Variants in TMEM132C observed in about 807,000 individuals in gnomAD.
The protein encoded by TMEM132C is protein phosphatase 1, regulatory subunit 152.
TMEM132C carries 29 observed loss-of-function variants against 61.4 expected under a neutral mutation model. The observed-to-expected ratio is 0.47, with a 90% CI of 0.35 to 0.64. The LOEUF (loss-of-function observed/expected upper bound fraction) is 0.64. Ranked by LOEUF, TMEM132C falls within the 30% of genes least tolerant of loss-of-function variation. TMEM132C has a pLI of 0.00. For synonymous variants in TMEM132C, 656 were observed against 633.1 expected (o/e 1.04, Z -0.54); for missense variants, 1,408 against 1,476.9 (o/e 0.95, Z 0.76).
intron 2 of TMEM132C, among the ~76,000 whole-genome samples, chr12:128,440,719 T>C (rs1869753254): frequency 6.6e-6 from 1 of 152,148 alleles, no homozygotes; most frequent in Non-Finnish European, 1.5e-5. Flanking sequence ...AAGATGACAA[T>C]GGGGACCATT....
At chr12:128,457,426 A>C (rs1438016404) in intron 2 of TMEM132C, among the ~76,000 whole-genome samples, 1 of 151,940 alleles carries the variant, frequency 6.6e-6, no homozygotes, top group East Asian at 1.9e-4. Flanking sequence ...AATACAAAAA[A>C]TTAGCCAGGT....
chr12:128,341,015 A>T lies in TMEM132C; in HGVS notation c.85+73528A>T, dbSNP rs571278790. Among the ~76,000 whole-genome samples the T allele has an allele frequency of 2.0e-5, 3 of 148,610 alleles. No individual in the cohort carries two copies. In the South Asian group the frequency reaches 6.4e-4, roughly 31 times the overall value. Reference sequence around the variant, plus strand: ...ACCTAGTCTGGAGTAATCTCAACTCACTGCAGCCTCCGCCTCCCAGGTTCA... The same window carrying T: ...ACCTAGTCTGGAGTAATCTCAACTCTCTGCAGCCTCCGCCTCCCAGGTTCA... On this transcript the variant is annotated intron_variant, in intron 1 of 8. Transcript: ENST00000435159.
intron 2 of TMEM132C, among the ~76,000 whole-genome samples, chr12:128,439,876 G>A (rs1470435019): frequency 1.3e-5 from 2 of 152,172 alleles, no homozygotes; most frequent in Admixed American, 6.5e-5. Flanking sequence ...AGTGCTCCCA[G>A]CAGTCTGTGA....
At chr12:128,506,391 T>C (rs1593078036) in intron 2 of TMEM132C, among the ~76,000 whole-genome samples, 1 of 152,002 alleles carries the variant, frequency 6.6e-6, no homozygotes, top group African/African-American at 2.4e-5. Context: ...GATGTTTGGG[T>C]TTTCCTTGCA....
chr12:128,288,894 T>C (rs1342057903), intron 1 of TMEM132C: 1 of 152,386 alleles, frequency 6.6e-6, no homozygotes, highest in Non-Finnish European at 1.5e-5. Context: ...CAGCTCTTCT[T>C]GGCTTTTACT....
chr12:128,369,698 AGC>A (rs946750826), intron 1 of TMEM132C, among the ~76,000 whole-genome samples: 3 of 152,178 alleles, frequency 2.0e-5, no homozygotes, highest in African/African-American at 7.2e-5. Flanking sequence ...CTCAAGTTTC[AGC>A]CTTGGGATGG....
At chr12:128,434,866 C>T (rs1312054829) in intron 2 of TMEM132C, among the ~76,000 whole-genome samples, 1 of 151,682 alleles carries the variant, frequency 6.6e-6, no homozygotes, top group Admixed American at 6.6e-5. Flanking sequence ...AGGCAATCTG[C>T]CTGCCTCGAC....
At position 128,323,096 on chromosome 12, in the gene TMEM132C, G is replaced by C. The variant is rs577356245; in HGVS notation, c.85+55609G>C. ...ATTAAACAGACAAACAAGCAAACCA[G>C]CTAATATTCATCGTTGTGGGTGAAG... On this transcript the variant is annotated intron_variant, in intron 1 of 8. Transcript: ENST00000435159. 2.0e-4 allele frequency among the ~76,000 whole-genome samples: 31 copies of C among 152,304 alleles called. 1 individual carries two copies. The highest frequency in any genetic ancestry group is 6.3e-4 in the African/African-American group (26 of 41,568).
At position 128,573,245 on chromosome 12, in the gene TMEM132C, A is replaced by T. The variant is rs549777404; in HGVS notation, c.1121+29142A>T. On this transcript the variant is annotated intron_variant, in intron 3 of 8. Transcript: ENST00000435159. The stretch of plus-strand genomic sequence containing the variant: ...AGACTGGATTAAGAAAATGTGGCAC[A>T]TATACACCATGGAATACTATGCAGC... 2.2e-4 allele frequency among the ~76,000 whole-genome samples: 34 copies of T among 152,330 alleles called. No homozygotes were observed. In the East Asian group the frequency reaches 6.6e-3, roughly 29 times the overall value.
At chr12:128,632,733 C>A (rs1336143458) in intron 4 of TMEM132C, among the ~76,000 whole-genome samples, 1 of 152,194 alleles carries the variant, frequency 6.6e-6, no homozygotes, top group Non-Finnish European at 1.5e-5. Flanking sequence ...AGAACAGTCT[C>A]CTTAGCATGA....
chr12:128,528,043 C>T (rs1873151842), intron 2 of TMEM132C, among the ~76,000 whole-genome samples: 1 of 152,168 alleles, frequency 6.6e-6, no homozygotes, highest in Admixed American at 6.5e-5. Flanking sequence ...CTGGCTGATA[C>T]TGGCAATATT....
At chr12:128,410,739 TATATA>T (rs1457853048) in intron 1 of TMEM132C, among the ~76,000 whole-genome samples, 4 of 152,146 alleles carry the variant, frequency 2.6e-5, no homozygotes, top group African/African-American at 9.7e-5. Context: ...GATGTTCTCT[TATATA>T]AGTATAGTAC....
At chr12:128,469,563 C>T (rs1470344761) in intron 2 of TMEM132C, among the ~76,000 whole-genome samples, 2 of 151,982 alleles carry the variant, frequency 1.3e-5, no homozygotes, top group African/African-American at 4.8e-5. Flanking sequence ...GAGATACACC[C>T]AGCTTTACAG....
intron 2 of TMEM132C, among the ~76,000 whole-genome samples, chr12:128,424,834 GT>G (rs1454270809): frequency 1.3e-5 from 2 of 152,152 alleles, no homozygotes; most frequent in Non-Finnish European, 2.9e-5. Context: ...TCTACAGATG[GT>G]TTTTCCATTA....
rs1418301663 is a variant in TMEM132C, at chr12:128,705,491, T to C, written c.2523T>C (p.Tyr841=). ...GCACAGGCCAAGATGGGCACCTCTATGGCAGCTCTCCCGTGGAGCGTGAGG... is the reference window on the plus strand; with the variant it reads ...GCACAGGCCAAGATGGGCACCTCTACGGCAGCTCTCCCGTGGAGCGTGAGG... The part of the protein sequence containing the change: ...HERTGQDGHL[Y]GSSPVEREEG... Residue 841 remains tyrosine (Y), a synonymous_variant, in exon 9 of 9, where the codon TAT becomes TAC. Transcript: ENST00000435159. 1.3e-6 allele frequency: 2 copies of C among 1,551,024 alleles called. No individual in the cohort carries two copies. The highest frequency in any genetic ancestry group is 2.4e-5 in the East Asian group (1 of 40,918).
chr12:128,420,190 C>G (rs1868940491), intron 2 of TMEM132C, among the ~76,000 whole-genome samples: 1 of 151,980 alleles, frequency 6.6e-6, no homozygotes, highest in Non-Finnish European at 1.5e-5. Context: ...GAGTGACACT[C>G]TGTCTCAAAA....
At chr12:128,360,566 T>C (rs1873671966) in intron 1 of TMEM132C, among the ~76,000 whole-genome samples, 1 of 152,150 alleles carries the variant, frequency 6.6e-6, no homozygotes, top group Non-Finnish European at 1.5e-5. Flanking sequence ...CCATCCTTGC[T>C]CCTTAGAGTT....
At chr12:128,275,373 C>A (rs767592723) in intron 1 of TMEM132C, among the ~76,000 whole-genome samples, 1 of 152,160 alleles carries the variant, frequency 6.6e-6, no homozygotes, top group Non-Finnish European at 1.5e-5. Flanking sequence ...ATGAACTGTG[C>A]ATGCGAGGGG....
At chr12:128,441,020 G>A (rs1869765093) in intron 2 of TMEM132C, among the ~76,000 whole-genome samples, 1 of 152,124 alleles carries the variant, frequency 6.6e-6, no homozygotes, top group South Asian at 2.1e-4. Context: ...CAGCATGGGC[G>A]ACAAGAGCGA....
Sources: gnomAD v4.1 joint callset for allele counts (sites outside exome capture counted in the v4.1 genomes callset) on GRCh38, gnomAD v4.1.1 for gene constraint, MANE v1.5 for transcripts, NCBI Gene and HGNC (gene_info 2026-07-23, HGNC 2026-07-21) for gene names.